DIPK1A: variants seen among roughly 807,000 people sequenced by gnomAD.
DIPK1A encodes the protein divergent protein kinase domain 1A, also known as family with sequence similarity 69 member A.
A neutral mutation model predicts 40.8 loss-of-function variants in DIPK1A; 27 were observed. That is an observed-to-expected ratio of 0.66 (90% CI 0.49 to 0.91). The LOEUF is 0.91. DIPK1A is among the 40% of genes least tolerant of loss of function. DIPK1A has a pLI of 0.00. For synonymous variants in DIPK1A, 166 were observed against 171.3 expected, an observed-to-expected ratio of 0.97 and a Z score of 0.24; for missense variants, 412 against 505.7, an observed-to-expected ratio of 0.81 and a Z score of 1.78.
chr1:92,848,406 AGCTACACTGGTCT>A (rs1337499254), intron 3 of DIPK1A, among the ~76,000 whole-genome samples: 4 of 152,132 alleles, frequency 2.6e-5, no homozygotes, highest in Non-Finnish European at 5.9e-5. Flanking sequence ...TCAAAGTCCC[AGCTACACTGGTCT>A]TTCTGTGACA....
chr1:92,941,092 T>C (rs1301422869), intron 1 of DIPK1A, among the ~76,000 whole-genome samples: 2 of 148,400 alleles, frequency 1.3e-5, no homozygotes, highest in Non-Finnish European at 3.0e-5. Context: ...ACAGGGTCTT[T>C]AGCAGAGAAA....
chr1:92,871,834 A>G (rs552514146), intron 2 of DIPK1A, among the ~76,000 whole-genome samples: 2 of 152,228 alleles, frequency 1.3e-5, no homozygotes, highest in South Asian at 2.1e-4. Flanking sequence ...TTGTATCTAT[A>G]TACAATATTT....
downstream of DIPK1A, chr1:92,840,869 A>AT (rs771758247): frequency 6.3e-5 from 40 of 634,432 alleles, no homozygotes; most frequent in African/African-American, 5.7e-4. Context: ...TGGTTACTGC[A>AT]TTTTTTTATT....
intron 1 of DIPK1A, among the ~76,000 whole-genome samples, chr1:92,881,320 C>T: frequency 9.4e-6 from 1 of 106,068 alleles, no homozygotes; most frequent in African/African-American, 3.7e-5. Context: ...AATGGGGACT[C>T]TGTCTCAAAA....
At chr1:92,869,746 T>C (rs1050819382) in intron 2 of DIPK1A, among the ~76,000 whole-genome samples, 5 of 152,014 alleles carry the variant, frequency 3.3e-5, no homozygotes, top group South Asian at 2.1e-4. Flanking sequence ...GTTTTATATA[T>C]ATATACCTAA....
intron 1 of DIPK1A, among the ~76,000 whole-genome samples, chr1:92,923,719 T>G (rs1446126037): frequency 1.3e-5 from 2 of 152,166 alleles, no homozygotes; most frequent in Non-Finnish European, 2.9e-5. Context: ...TGTCAACATA[T>G]GTACTAGTGG....
chr1:92,874,400 A>G (rs144075441), intron 2 of DIPK1A, among the ~76,000 whole-genome samples: 4 of 152,312 alleles, frequency 2.6e-5, no homozygotes, highest in Admixed American at 2.6e-4. Context: ...CTGATCAAGT[A>G]TATTTGCTGT....
downstream of DIPK1A, chr1:92,837,555 C>A: frequency 1.9e-6 from 3 of 1,612,012 alleles, no homozygotes; most frequent in Non-Finnish European, 2.5e-6. Flanking sequence ...ATTACATGCG[C>A]TACTTAATGG....
At chr1:92,836,629 G>A (rs1206179106) in intron 4 of DIPK1A, 3 of 527,948 alleles carry the variant, frequency 5.7e-6, no homozygotes, top group Non-Finnish European at 1.0e-5. Flanking sequence ...TATTGAAAGA[G>A]ATGGGATTGA....
At chr1:92,894,371 A>G (rs1209100354) in intron 1 of DIPK1A, among the ~76,000 whole-genome samples, 2 of 152,142 alleles carry the variant, frequency 1.3e-5, no homozygotes, top group African/African-American at 4.8e-5. Flanking sequence ...GCTCAACTAC[A>G]TGGAAACTGA....
intron 1 of DIPK1A, among the ~76,000 whole-genome samples, chr1:92,947,300 G>T (rs1057095839): frequency 6.6e-6 from 1 of 152,064 alleles, no homozygotes; most frequent in African/African-American, 2.4e-5. Context: ...CTGGGCAAAT[G>T]ATCTGAACAG....
chr1:92,912,942 T>TA (rs760280375), intron 1 of DIPK1A, among the ~76,000 whole-genome samples: 73 of 129,384 alleles, frequency 5.6e-4, no homozygotes, highest in African/African-American at 6.6e-4. Flanking sequence ...CTCTATGAAA[T>TA]AAAAAAAAAA....
intron 4 of DIPK1A, chr1:92,846,268 G>A (rs1011056787): frequency 6.5e-6 from 1 of 154,306 alleles, no homozygotes; most frequent in Admixed American, 6.5e-5. Context: ...GCATATTTAT[G>A]TCTCAGTTAT....
intron 1 of DIPK1A, among the ~76,000 whole-genome samples, chr1:92,908,901 C>T (rs1308385889): frequency 6.6e-6 from 1 of 152,072 alleles, no homozygotes; most frequent in African/African-American, 2.4e-5. Flanking sequence ...GGAGGTGGGA[C>T]AGCTTCTACC....
chr1:92,877,849 C>T (rs1648196218), intron 1 of DIPK1A, among the ~76,000 whole-genome samples: 1 of 152,108 alleles, frequency 6.6e-6, no homozygotes, highest in Non-Finnish European at 1.5e-5. Context: ...AGACAGAAAT[C>T]GACATGTACT....
At chr1:92,887,958 T>C (rs957038953) in intron 1 of DIPK1A, among the ~76,000 whole-genome samples, 5 of 151,944 alleles carry the variant, frequency 3.3e-5, no homozygotes, top group Non-Finnish European at 7.4e-5. Flanking sequence ...TAGGTAAGAA[T>C]TTATTAAATA....
rs1687116560 is a variant in DIPK1A at position 92,836,174 on chromosome 1, T to C, written c.475-3140A>G. The stretch of plus-strand genomic sequence containing the variant: ...TGAATAATTGAAACCAGCATTTACA[T>C]TGGTTTCTTGAATAGCTTCTCAATA... On this transcript the variant is annotated intron_variant, in intron 4 of 4. Coordinates refer to the DIPK1A transcript ENST00000615519. 6.2e-7 allele frequency: 1 copy of C among 1,603,934 alleles called. No homozygotes were observed. Among genetic ancestry groups the C allele is most frequent in the African/African-American group, 1.3e-5 (1 of 74,828 alleles).
At position 92,847,252 on chromosome 1, in the gene DIPK1A, C is replaced by A; in HGVS notation, c.405G>T (p.Val135=). ...TTCCTCTAGTTGGCTTATCAAATAG[C>A]ACTATTTCTTTTCTTGGTTCCAATT... The part of the protein sequence containing the change: ...GTELEPRKEI[V]LFDKPTRGTT... Residue 135 remains valine, a synonymous_variant, in exon 4 of 5, where the codon GTG becomes GTT. Coordinates refer to ENST00000370310, the MANE Select transcript of DIPK1A (RefSeq NM_001006605.5). The A allele has an allele frequency of 6.2e-7, 1 of 1,611,384 alleles. No individual in the cohort carries two copies.
At chr1:92,935,236 G>A (rs778288090) in intron 1 of DIPK1A, among the ~76,000 whole-genome samples, 1 of 152,096 alleles carries the variant, frequency 6.6e-6, no homozygotes, top group African/African-American at 2.4e-5. Context: ...TAAAAAGAAC[G>A]TGTTGCTCAC....
Sources: allele counts gnomAD v4.1 joint callset (sites outside exome capture counted in the v4.1 genomes callset), GRCh38; gene constraint gnomAD v4.1.1; transcripts MANE v1.5; gene names NCBI Gene and HGNC (gene_info 2026-07-23, HGNC 2026-07-21).